Variants in ARMH3 observed in about 807,000 individuals in gnomAD.
The protein encoded by ARMH3 is armadillo like helical domain containing 3.
In ARMH3, 60 loss-of-function variants were observed where a neutral mutation model predicts 99.1. That is an observed-to-expected ratio of 0.61 (90% CI 0.49 to 0.75). The LOEUF is 0.75. Ranked by LOEUF, ARMH3 falls within the 30% of genes least tolerant of loss-of-function variation. The pLI, the probability that ARMH3 is intolerant of heterozygous loss-of-function variation, is 0.00. For synonymous variants in ARMH3, 285 were observed against 292.8 expected, an observed-to-expected ratio of 0.97 and a Z score of 0.27; for missense variants, 679 against 843.1, an observed-to-expected ratio of 0.81 and a Z score of 2.41.
chr10:101,991,239 A>G (rs1846774772), intron 18 of ARMH3, among the ~76,000 whole-genome samples: 1 of 152,218 alleles, frequency 6.6e-6, no homozygotes, highest in South Asian at 2.1e-4. Context: ...AGACAAAATT[A>G]CCCAAGATAC....
At chr10:102,040,673 G>A (rs2067389465) in intron 1 of ARMH3, among the ~76,000 whole-genome samples, 1 of 152,132 alleles carries the variant, frequency 6.6e-6, no homozygotes, top group Non-Finnish European at 1.5e-5. Flanking sequence ...CAGTGGACAA[G>A]GCTTAAAGCA....
At chr10:102,041,254 C>T (rs2067418568) in intron 1 of ARMH3, among the ~76,000 whole-genome samples, 1 of 151,532 alleles carries the variant, frequency 6.6e-6, no homozygotes, top group Admixed American at 6.6e-5. Flanking sequence ...CCCGAAATCC[C>T]ACAGGTCTTT....
At chr10:101,900,206 T>C (rs1025168217) in intron 23 of ARMH3, among the ~76,000 whole-genome samples, 6 of 152,212 alleles carry the variant, frequency 3.9e-5, no homozygotes, top group Non-Finnish European at 8.8e-5. Context: ...GGTCCGAAGT[T>C]ACTGGCAGAG....
At position 101,975,246 on chromosome 10, in the gene ARMH3, T is replaced by C; in HGVS notation, c.1461A>G (p.Val487=). The C allele has an allele frequency of 6.2e-7, 1 of 1,612,228 alleles. No individual in the cohort carries two copies. The highest frequency in any genetic ancestry group is 1.1e-5 in the South Asian group (1 of 91,046). ...GCTCCCGCCAGGTGTAATGCAGGCG[T>C]ACCCGACACTTCTTCTGGTAGCAGA... The part of the protein sequence containing the change: ...KLLCYQKKCR[V]RLHYTWRELW... Residue 487 remains valine, a synonymous_variant, in exon 20 of 26, where the codon GTA becomes GTG. Coordinates refer to ENST00000370033, the MANE Select transcript of ARMH3 (RefSeq NM_024541.3).
chr10:101,857,643 ATCT>A lies in ARMH3; in HGVS notation c.1861-7754_1861-7752del, dbSNP rs529414196. ...TTTGTCAGCCAGAAAGGCTGAAGTC[ATCT>A]TCTTTCTAATACCCAGCAAATTTCC... On this transcript the variant is annotated intron_variant, in intron 24 of 25. Transcript: ENST00000370033. 2.2e-4 allele frequency among the ~76,000 whole-genome samples: 33 copies of A among 152,338 alleles called. 1 individual carries two copies. The highest frequency in any genetic ancestry group is 6.3e-4 in the African/African-American group (26 of 41,580).
intron 4 of ARMH3, 103 bp from the exon 5 acceptor site, chr10:102,029,848 A>T: frequency 8.7e-7 from 1 of 1,153,152 alleles, no homozygotes; most frequent in Non-Finnish European, 1.2e-6. Context: ...AATAAATTCA[A>T]TTTCTCTGAG....
chr10:102,022,722 A>G (rs1205311866), intron 8 of ARMH3, among the ~76,000 whole-genome samples: 1 of 148,414 alleles, frequency 6.7e-6, no homozygotes, highest in East Asian at 2.1e-4. Context: ...CTGGGACCAC[A>G]GGCGCACACT....
intron 6 of ARMH3, among the ~76,000 whole-genome samples, chr10:102,024,292 T>C (rs1468379912): frequency 2.0e-5 from 3 of 150,738 alleles, no homozygotes; most frequent in African/African-American, 7.3e-5. Flanking sequence ...CTACTAAAAA[T>C]ACAAAAATTA....
chr10:102,009,820 G>T (rs1228125570), intron 12 of ARMH3, among the ~76,000 whole-genome samples, 157 bp downstream of exon 12: 1 of 151,978 alleles, frequency 6.6e-6, no homozygotes, highest in African/African-American at 2.4e-5. Flanking sequence ...AATTTCTAAG[G>T]GTCCATTAAT....
At chr10:102,014,094 G>T in intron 8 of ARMH3, 70 bp from the exon 9 acceptor site, 1 of 1,286,146 alleles carries the variant, frequency 7.8e-7, no homozygotes, top group Non-Finnish European at 1.1e-6. Context: ...TATCTTTAAA[G>T]TGTTAACAAA....
At chr10:102,007,656 TAAAA>T (rs961346897) in intron 13 of ARMH3, among the ~76,000 whole-genome samples, 2 of 54,976 alleles carry the variant, frequency 3.6e-5, no homozygotes, top group African/African-American at 1.5e-4. Context: ...CTGTCTCTAC[TAAAA>T]AAAAAAAAAA....
chr10:102,011,692 T>C (rs757051715), intron 11 of ARMH3, 31 bp downstream of exon 11: 14 of 1,572,706 alleles, frequency 8.9e-6, no homozygotes, highest in Admixed American at 3.7e-5. Context: ...TTTCTGTTTT[T>C]TTCAGGAGAA....
intron 22 of ARMH3, among the ~76,000 whole-genome samples, chr10:101,944,651 TA>T (rs1209545355): frequency 4.0e-5 from 6 of 151,838 alleles, no homozygotes; most frequent in Non-Finnish European, 8.8e-5. Context: ...CTGTCTCTAC[TA>T]AAAATACAAA....
At chr10:101,939,763 C>A in intron 23 of ARMH3, 100 bp downstream of exon 23, 1 of 998,932 alleles carries the variant, frequency 1.0e-6, no homozygotes. Context: ...GACATCAAGG[C>A]TTAAAATAGT....
intron 20 of ARMH3, among the ~76,000 whole-genome samples, chr10:101,969,329 A>C (rs1009579167): frequency 4.6e-5 from 7 of 152,248 alleles, no homozygotes; most frequent in Admixed American, 6.5e-5. Context: ...AAACTAAAAG[A>C]AGCACACAAT....
At chr10:101,936,441 C>T (rs976951751) in intron 23 of ARMH3, among the ~76,000 whole-genome samples, 2 of 143,950 alleles carry the variant, frequency 1.4e-5, no homozygotes, top group African/African-American at 2.6e-5. Context: ...GCAGTGAGTA[C>T]AGATCACGCC....
At chr10:102,022,972 T>C (rs1359772353) in intron 8 of ARMH3, among the ~76,000 whole-genome samples, 2 of 151,878 alleles carry the variant, frequency 1.3e-5, no homozygotes, top group African/African-American at 2.4e-5. Context: ...GCAGATCACC[T>C]GACATTGGGA....
intron 2 of ARMH3, among the ~76,000 whole-genome samples, chr10:102,033,731 A>G (rs976037365): frequency 2.0e-5 from 3 of 152,286 alleles, no homozygotes; most frequent in Non-Finnish European, 1.5e-5. Context: ...TAGTTTTCAA[A>G]ATTAACTTTG....
At chr10:102,022,631 A>G (rs977467619) in intron 8 of ARMH3, among the ~76,000 whole-genome samples, 2 of 147,322 alleles carry the variant, frequency 1.4e-5, no homozygotes, top group Non-Finnish European at 3.0e-5. Flanking sequence ...CCCAGGCTGG[A>G]GTGCAGTGGT....
Sources: allele counts gnomAD v4.1 joint callset (sites outside exome capture counted in the v4.1 genomes callset), GRCh38; gene constraint gnomAD v4.1.1; transcripts MANE v1.5; gene names NCBI Gene and HGNC (gene_info 2026-07-23, HGNC 2026-07-21).